AJAP1: variants seen among roughly 807,000 people sequenced by gnomAD.
AJAP1 encodes the protein adherens junctions associated protein 1, also known as adherens junction-associated protein 1.
Under a neutral mutation model 35.0 loss-of-function variants are expected in AJAP1, and 5 were observed. The ratio of observed to expected loss-of-function variants is 0.14; its 90% CI spans 0.07 to 0.30. AJAP1 has a LOEUF of 0.30. Ranked by LOEUF, AJAP1 falls within the 10% of genes least tolerant of loss-of-function variation. The pLI, the probability that AJAP1 is intolerant of heterozygous loss-of-function variation, is 1.00. For synonymous variants in AJAP1, 284 were observed against 249.3 expected, an observed-to-expected ratio of 1.14 and a Z score of -1.31; for missense variants, 586 against 571.0, an observed-to-expected ratio of 1.03 and a Z score of -0.27.
chr1:4,687,719 C>T (rs985957601), intron 1 of AJAP1, among the ~76,000 whole-genome samples: 4 of 152,168 alleles, frequency 2.6e-5, no homozygotes, highest in Admixed American at 6.5e-5. Context: ...ACGAGAGCTC[C>T]GTGCTAAGGG....
At chr1:4,763,229 G>A (rs993952964) in intron 2 of AJAP1, among the ~76,000 whole-genome samples, 1 of 152,192 alleles carries the variant, frequency 6.6e-6, no homozygotes, top group Non-Finnish European at 1.5e-5. Flanking sequence ...CATTCCAGAT[G>A]TCCCTGGCTG....
chr1:4,731,177 T>C (rs1570167406), intron 2 of AJAP1, among the ~76,000 whole-genome samples: 1 of 152,176 alleles, frequency 6.6e-6, no homozygotes, highest in East Asian at 1.9e-4. Context: ...GCCTTCCGGG[T>C]TCAAGCGATT....
At chr1:4,664,027 G>A (rs938304750) in intron 1 of AJAP1, among the ~76,000 whole-genome samples, 1 of 152,154 alleles carries the variant, frequency 6.6e-6, no homozygotes, top group African/African-American at 2.4e-5. Context: ...TATGTAGCAG[G>A]CACTGTTCTA....
chr1:4,742,763 C>G (rs531907157), intron 2 of AJAP1, among the ~76,000 whole-genome samples: 1 of 152,320 alleles, frequency 6.6e-6, no homozygotes, highest in South Asian at 2.1e-4. Flanking sequence ...ACCGTTCCCC[C>G]ACCCTAGCCC....
At position 4,786,884 on chromosome 1, in the gene AJAP1, G is replaced by T. The variant is rs1462837650; in HGVS notation, c.*4399G>T. 6.6e-6 allele frequency: 1 copy of T among 152,180 alleles called. No homozygotes were observed. Among genetic ancestry groups the T allele is most frequent in the Non-Finnish European group, 1.5e-5 (1 of 68,054 alleles). 9.4% of individuals were successfully genotyped at this position (152,180 alleles called of 1,614,324 possible). A position where few individuals can be genotyped will look rare whatever the true frequency, so the allele number is the denominator to read the frequency against. ...GACACCATCACCCTCTTTCATCAAG[G>T]TGATCTCTTTCATCAGGGCATATAT... On this transcript the variant is annotated 3_prime_UTR_variant, in exon 6 of 6. Transcript: ENST00000378191.
chr1:4,724,500 T>G (rs1353113729), intron 2 of AJAP1, among the ~76,000 whole-genome samples: 1 of 152,058 alleles, frequency 6.6e-6, no homozygotes, highest in Non-Finnish European at 1.5e-5. Flanking sequence ...CCATGACGTC[T>G]CTCATATTAT....
intron 1 of AJAP1, among the ~76,000 whole-genome samples, chr1:4,664,929 G>C (rs1325912290): frequency 6.6e-6 from 1 of 152,110 alleles, no homozygotes; most frequent in East Asian, 1.9e-4. Flanking sequence ...TACTAGGCAG[G>C]GTCATTGTAT....
At chr1:4,700,989 C>G (rs756540708) in intron 1 of AJAP1, among the ~76,000 whole-genome samples, 5 of 152,236 alleles carry the variant, frequency 3.3e-5, no homozygotes, top group South Asian at 2.1e-4. Flanking sequence ...ACTGAGAACA[C>G]TGCCACCCAC....
In AJAP1 at chr1:4,692,105, G is replaced by A. The variant is rs545711554; in HGVS notation, c.30-19795G>A. Among the ~76,000 whole-genome samples the A allele has an allele frequency of 3.3e-5, 5 of 152,266 alleles. No homozygotes were observed. The highest frequency in any genetic ancestry group is 1.9e-4 in the East Asian group (1 of 5,154). Reference sequence around the variant, plus strand: ...ATGGCAGGTGGCATGGCGCCCGGCCGGCCCTGCGTGGATCTATTATCTCTG... The same window carrying A: ...ATGGCAGGTGGCATGGCGCCCGGCCAGCCCTGCGTGGATCTATTATCTCTG... On this transcript the variant is annotated intron_variant, in intron 1 of 5. Coordinates refer to ENST00000378191, the MANE Select transcript of AJAP1 (RefSeq NM_018836.4). This position sits in a 1 kb window ranked among gnomAD's most constrained non-coding sequence, Gnocchi z 4.4.
chr1:4,774,707 G>T (rs2272876), intron 5 of AJAP1, 149 bp downstream of exon 5: 3 of 548,298 alleles, frequency 5.5e-6, no homozygotes, highest in Non-Finnish European at 9.7e-6. Flanking sequence ...ATGAGCCGGC[G>T]GGGGGGGCTG....
At chr1:4,688,282 G>A (rs926846670) in intron 1 of AJAP1, among the ~76,000 whole-genome samples, 3 of 152,164 alleles carry the variant, frequency 2.0e-5, no homozygotes, top group South Asian at 2.1e-4. Flanking sequence ...GACCACACGG[G>A]GCTGGTGTCA....
chr1:4,685,258 T>C (rs907460107), intron 1 of AJAP1, among the ~76,000 whole-genome samples: 2 of 152,176 alleles, frequency 1.3e-5, no homozygotes, highest in African/African-American at 4.8e-5. Flanking sequence ...ATCAATACAT[T>C]ACCTAATTCA....
At chr1:4,756,217 T>C (rs1641428669) in intron 2 of AJAP1, among the ~76,000 whole-genome samples, 3 of 152,126 alleles carry the variant, frequency 2.0e-5, no homozygotes, top group African/African-American at 7.2e-5. Context: ...CCTTTTCACA[T>C]CACGGGCCCC....
At chr1:4,659,672 G>A (rs1638959751) in intron 1 of AJAP1, among the ~76,000 whole-genome samples, 1 of 152,138 alleles carries the variant, frequency 6.6e-6, no homozygotes, top group African/African-American at 2.4e-5. Flanking sequence ...GGCTACTCCT[G>A]GGTCAATCCC....
At chr1:4,691,698 G>T (rs1301589671) in intron 1 of AJAP1, among the ~76,000 whole-genome samples, 1 of 152,182 alleles carries the variant, frequency 6.6e-6, no homozygotes, top group African/African-American at 2.4e-5. Context: ...GGCTTAGGAA[G>T]GAGGGCCAGG....
At chr1:4,682,240 G>A (rs544742415) in intron 1 of AJAP1, among the ~76,000 whole-genome samples, 3 of 152,288 alleles carry the variant, frequency 2.0e-5, no homozygotes, top group East Asian at 3.9e-4. Context: ...GCTGCCCATC[G>A]ATGGTCTTCA....
chr1:4,709,432 G>A (rs1024124866), intron 1 of AJAP1, among the ~76,000 whole-genome samples: 6 of 151,768 alleles, frequency 4.0e-5, no homozygotes, highest in African/African-American at 1.5e-4. Flanking sequence ...GTGAGGTCTG[G>A]TGAGGCCTGG....
intron 2 of AJAP1, among the ~76,000 whole-genome samples, chr1:4,737,402 G>A (rs796968131): frequency 1.3e-4 from 20 of 152,192 alleles, no homozygotes; most frequent in African/African-American, 4.8e-4. Context: ...GACCTGTGGG[G>A]TGAGATTTTT....
At chr1:4,762,318 G>T (rs1641584686) in intron 2 of AJAP1, among the ~76,000 whole-genome samples, 1 of 152,344 alleles carries the variant, frequency 6.6e-6, no homozygotes, top group East Asian at 1.9e-4. Context: ...TGCCTGAGAA[G>T]TGTCTTTTTT....
Sources: gnomAD v4.1 joint callset for allele counts (sites outside exome capture counted in the v4.1 genomes callset) on GRCh38, gnomAD v4.1.1 for gene constraint, Gnocchi (gnomAD v3.1) non-coding constraint, MANE v1.5 for transcripts, NCBI Gene and HGNC (gene_info 2026-07-23, HGNC 2026-07-21) for gene names.